CPNE4: variants seen among roughly 807,000 people sequenced by gnomAD.
CPNE4 encodes the protein copine 4, also known as copine-4.
A neutral mutation model predicts 67.9 loss-of-function variants in CPNE4; 25 were observed. The ratio of observed to expected loss-of-function variants is 0.37; its 90% CI spans 0.27 to 0.51. The LOEUF is 0.51. CPNE4 is among the 20% of genes least tolerant of loss of function. The pLI is 0.93. For synonymous variants in CPNE4, 242 were observed against 244.9 expected (o/e 0.99, Z 0.11); for missense variants, 464 against 690.8 (o/e 0.67, Z 3.68).
At position 132,034,102 on chromosome 3, in the gene CPNE4, T is replaced by A. The variant is rs116818142; in HGVS notation, c.-2+465A>T. ...TGGGGGAGGAGGTTGAGAGGCTGAA[T>A]CCAACCGCAGCCAGGTCAAGCCATT... On this transcript the variant is annotated intron_variant, in intron 1 of 15. Coordinates refer to ENST00000429747, the MANE Select transcript of CPNE4 (RefSeq NM_130808.3). 5.1e-3 allele frequency among the ~76,000 whole-genome samples: 776 copies of A among 152,302 alleles called. 14 individuals carry two copies. In the South Asian group the frequency reaches 0.051, roughly 10 times the overall value.
intron 2 of CPNE4, among the ~76,000 whole-genome samples, chr3:131,768,462 C>T (rs2083080248): frequency 6.6e-6 from 1 of 152,080 alleles, no homozygotes; most frequent in Admixed American, 6.6e-5. Context: ...TCTTTTCTTT[C>T]CATCCAGTGC....
chr3:131,920,936 G>T (rs1008982916), intron 1 of CPNE4, among the ~76,000 whole-genome samples: 2 of 152,152 alleles, frequency 1.3e-5, no homozygotes, highest in Non-Finnish European at 2.9e-5. Context: ...ATGGTAAATG[G>T]CTGAAGCTAA....
chr3:131,638,375 G>T (rs900132508), intron 7 of CPNE4, among the ~76,000 whole-genome samples: 1 of 151,986 alleles, frequency 6.6e-6, no homozygotes, highest in Non-Finnish European at 1.5e-5. Context: ...GACACCAAAA[G>T]TGAGCAGGAA....
At chr3:131,921,841 A>G (rs1021934387) in intron 1 of CPNE4, among the ~76,000 whole-genome samples, 1 of 152,182 alleles carries the variant, frequency 6.6e-6, no homozygotes, top group Non-Finnish European at 1.5e-5. Context: ...AGTGATCACA[A>G]AGCCCAGAGA....
chr3:131,925,871 C>T (rs1024457483), intron 1 of CPNE4, among the ~76,000 whole-genome samples: 3 of 152,008 alleles, frequency 2.0e-5, no homozygotes, highest in Non-Finnish European at 4.4e-5. Context: ...ACCATATTAT[C>T]CTGCATTTAT....
At chr3:131,862,584 T>A (rs1022788198) in intron 2 of CPNE4, among the ~76,000 whole-genome samples, 2 of 152,116 alleles carry the variant, frequency 1.3e-5, no homozygotes, top group African/African-American at 4.8e-5. Context: ...AATGGTTTCC[T>A]GAAGGCTTAT....
chr3:131,601,174 C>T (rs1276646539), intron 7 of CPNE4, among the ~76,000 whole-genome samples: 2 of 151,970 alleles, frequency 1.3e-5, no homozygotes, highest in African/African-American at 4.8e-5. Context: ...ATCCTCATAT[C>T]ACTTTGCCTT....
At chr3:131,915,704 C>T (rs537177871) in intron 1 of CPNE4, among the ~76,000 whole-genome samples, 3 of 152,220 alleles carry the variant, frequency 2.0e-5, no homozygotes, top group Non-Finnish European at 4.4e-5. Context: ...CAATCATTTC[C>T]TGAACTTTAT....
At chr3:131,812,483 T>C (rs1168405388) in intron 2 of CPNE4, among the ~76,000 whole-genome samples, 2 of 152,192 alleles carry the variant, frequency 1.3e-5, no homozygotes, top group Non-Finnish European at 2.9e-5. Flanking sequence ...TGGTTGTCAA[T>C]TAGCTCAAAG....
intron 2 of CPNE4, among the ~76,000 whole-genome samples, chr3:131,763,945 C>A (rs2082949238): frequency 2.0e-5 from 3 of 152,024 alleles, no homozygotes; most frequent in Admixed American, 6.6e-5. Context: ...CAGGGTGCAT[C>A]CTATGTGCCA....
intron 2 of CPNE4, among the ~76,000 whole-genome samples, chr3:131,782,374 T>G (rs912274077): frequency 1.3e-5 from 2 of 152,126 alleles, no homozygotes; most frequent in Non-Finnish European, 2.9e-5. Flanking sequence ...CTTTAGAATT[T>G]TATTGAAGAA....
At chr3:131,941,514 G>T (rs6766540) in intron 1 of CPNE4, among the ~76,000 whole-genome samples, 28,238 of 151,766 alleles carry the variant, frequency 0.19, 3,404 homozygotes, top group African/African-American at 0.35. Context: ...ATGAAATACA[G>T]CTTATTATCT....
intron 3 of CPNE4, among the ~76,000 whole-genome samples, chr3:131,708,000 T>C (rs1294343286): frequency 2.0e-5 from 3 of 152,176 alleles, no homozygotes; most frequent in Admixed American, 1.3e-4. Flanking sequence ...ATCAGGCATA[T>C]ACAAATGTTT....
intron 7 of CPNE4, among the ~76,000 whole-genome samples, chr3:131,617,748 T>A (rs916961521): frequency 6.6e-6 from 1 of 152,206 alleles, no homozygotes; most frequent in Non-Finnish European, 1.5e-5. Context: ...TCCACTGGGT[T>A]ATATACGGGT....
At chr3:131,963,634 CA>C (rs2072250221) in intron 1 of CPNE4, among the ~76,000 whole-genome samples, 1 of 152,152 alleles carries the variant, frequency 6.6e-6, no homozygotes, top group Admixed American at 6.5e-5. Flanking sequence ...GGAAGTTCGG[CA>C]AAACTCACCG....
chr3:131,955,649 C>G (rs2071942584), intron 1 of CPNE4, among the ~76,000 whole-genome samples: 2 of 152,004 alleles, frequency 1.3e-5, no homozygotes, highest in South Asian at 4.2e-4. Context: ...CAGGAGGGAA[C>G]CAGACAGATA....
At chr3:131,967,026 C>T (rs561772217) in intron 1 of CPNE4, among the ~76,000 whole-genome samples, 112 of 152,254 alleles carry the variant, frequency 7.4e-4, no homozygotes, top group African/African-American at 2.5e-3. Flanking sequence ...TTATCCACCA[C>T]GATCAAGTCA....
chr3:131,616,515 C>T (rs192789788), intron 7 of CPNE4, among the ~76,000 whole-genome samples: 1 of 152,272 alleles, frequency 6.6e-6, no homozygotes, highest in East Asian at 1.9e-4. Flanking sequence ...AACCCAAATT[C>T]CTCTGGATAA....
At chr3:131,556,916 CTCACACAA>C (rs1212749984) in intron 11 of CPNE4, among the ~76,000 whole-genome samples, 1 of 152,076 alleles carries the variant, frequency 6.6e-6, no homozygotes, top group Non-Finnish European at 1.5e-5. Flanking sequence ...TTATTAAATT[CTCACACAA>C]TCCTGGAAGC....
Sources: allele counts gnomAD v4.1 joint callset (sites outside exome capture counted in the v4.1 genomes callset), GRCh38; gene constraint gnomAD v4.1.1; transcripts MANE v1.5; gene names NCBI Gene and HGNC (gene_info 2026-07-23, HGNC 2026-07-21).